The following FRMD3 variants were observed in gnomAD, a reference collection of about 807,000 sequenced individuals.
FRMD3 encodes the protein FERM domain-containing protein 3.
In FRMD3, 33 loss-of-function variants were observed where a neutral mutation model predicts 70.2. That is an observed-to-expected ratio of 0.47 (90% CI 0.36 to 0.63). The LOEUF is 0.63. Ranked by LOEUF, FRMD3 falls within the 20% of genes least tolerant of loss-of-function variation. FRMD3 has a pLI of 0.00. For missense variants in FRMD3, 632 were observed against 711.4 expected (o/e 0.89, Z 1.27); for synonymous variants, 279 against 255.9 (o/e 1.09, Z -0.86).
In FRMD3 at chr9:83,536,022, C is replaced by T. The variant is rs75398618; in HGVS notation, c.147+2063G>A. 4.7e-3 allele frequency among the ~76,000 whole-genome samples: 717 copies of T among 152,230 alleles called. 11 individuals are homozygous for T. The highest frequency in any genetic ancestry group is 0.017 in the African/African-American group (692 of 41,528). ...CAATTTCAATTCCTGGTCTGGAGTA[C>T]TCTAGGAAAGTGTGAGGTCTAAAGT... On this transcript the variant is annotated intron_variant, in intron 1 of 13. Transcript: ENST00000304195.
At chr9:83,456,483 A>G (rs533956132) in intron 1 of FRMD3, among the ~76,000 whole-genome samples, 22 of 152,342 alleles carry the variant, frequency 1.4e-4, no homozygotes, top group African/African-American at 5.1e-4. Context: ...TAGCTATTAC[A>G]AAAGTGTAAT....
chr9:83,532,881 G>A (rs913217480), intron 1 of FRMD3, among the ~76,000 whole-genome samples: 1 of 152,208 alleles, frequency 6.6e-6, no homozygotes, highest in Non-Finnish European at 1.5e-5. Context: ...GGTAGTGACT[G>A]ACTGACATCT....
At chr9:83,492,631 G>T (rs1218633844) in intron 1 of FRMD3, among the ~76,000 whole-genome samples, 2 of 152,170 alleles carry the variant, frequency 1.3e-5, no homozygotes, top group Non-Finnish European at 2.9e-5. Flanking sequence ...GGGGCCTCTG[G>T]GGGGCAGGTG....
At chr9:83,382,406 T>TA (rs1825384874) in intron 2 of FRMD3, among the ~76,000 whole-genome samples, 1 of 152,200 alleles carries the variant, frequency 6.6e-6, no homozygotes, top group Non-Finnish European at 1.5e-5. Flanking sequence ...TTACATAAAT[T>TA]GATAGTATGG....
chr9:83,348,451 G>A (rs910338672), intron 4 of FRMD3, among the ~76,000 whole-genome samples: 1 of 152,152 alleles, frequency 6.6e-6, no homozygotes, highest in Admixed American at 6.5e-5. Flanking sequence ...GGTTGCCAGG[G>A]GCTTGGATGG....
intron 6 of FRMD3, among the ~76,000 whole-genome samples, chr9:83,329,246 C>CA (rs1380859858): frequency 6.6e-6 from 1 of 151,944 alleles, no homozygotes; most frequent in Non-Finnish European, 1.5e-5. Flanking sequence ...CAAATAGCAA[C>CA]AAAAAATGCA....
chr9:83,336,338 T>A (rs1823577880), intron 5 of FRMD3, among the ~76,000 whole-genome samples: 1 of 151,884 alleles, frequency 6.6e-6, no homozygotes, highest in South Asian at 2.1e-4. Context: ...TGTTTTACAT[T>A]TTTTAAAAAT....
chr9:83,467,849 GT>G (rs1354684994), intron 1 of FRMD3: 11 of 1,348,198 alleles, frequency 8.2e-6, no homozygotes, highest in African/African-American at 5.9e-5. Context: ...TAGGTTGATG[GT>G]TTTTTAAAAA....
intron 1 of FRMD3, among the ~76,000 whole-genome samples, chr9:83,526,702 C>T (rs199827822): frequency 2.0e-5 from 3 of 152,084 alleles, no homozygotes; most frequent in East Asian, 3.9e-4. Context: ...TCCTTGATGA[C>T]GGCTGATTTT....
chr9:83,511,236 C>A (rs1829332017), intron 1 of FRMD3, among the ~76,000 whole-genome samples: 1 of 152,160 alleles, frequency 6.6e-6, no homozygotes, highest in African/African-American at 2.4e-5. Flanking sequence ...GAACCTGAGT[C>A]ATTTTACAAA....
At chr9:83,359,102 A>T (rs1292779555) in intron 3 of FRMD3, among the ~76,000 whole-genome samples, 1 of 152,190 alleles carries the variant, frequency 6.6e-6, no homozygotes, top group African/African-American at 2.4e-5. Flanking sequence ...AATGATAATC[A>T]CTGTGTTTCC....
the FRMD3 span, among the ~76,000 whole-genome samples, chr9:83,565,832 T>C: frequency 1.3e-5 from 2 of 152,192 alleles, no homozygotes; most frequent in African/African-American, 4.8e-5. Flanking sequence ...GTGGAGAAAT[T>C]TGAGAAAGGA....
intron 1 of FRMD3, among the ~76,000 whole-genome samples, chr9:83,484,829 T>C (rs1265767413): frequency 6.6e-6 from 1 of 152,146 alleles, no homozygotes; most frequent in Admixed American, 6.6e-5. Flanking sequence ...CGCATCCTAG[T>C]AAAATCAAAG....
At chr9:83,545,980 G>T in the FRMD3 span, among the ~76,000 whole-genome samples, 3 of 149,258 alleles carry the variant, frequency 2.0e-5, no homozygotes, top group Admixed American at 6.7e-5. Context: ...ACCTGTAAAG[G>T]AAATCCCATC....
In FRMD3 at chr9:83,537,829, ACG is replaced by A. The variant is rs921109607; in HGVS notation, c.147+254_147+255del. On this transcript the variant is annotated intron_variant, in intron 1 of 13. Coordinates refer to ENST00000304195, the MANE Select transcript of FRMD3 (RefSeq NM_174938.6). The surrounding 1 kb of genome is among the most constrained non-coding windows in gnomAD (Gnocchi z 4.1). ...GCGCCCCTAGCCCGGGCGCAGTGAG[ACG>A]CGCGCGCAGGGTGCACGCGAGGGGA... 1.3e-5 allele frequency among the ~76,000 whole-genome samples: 2 copies of A among 149,958 alleles called. No individual in the cohort carries two copies. The highest frequency in any genetic ancestry group is 4.9e-5 in the African/African-American group (2 of 40,560).
At chr9:83,500,498 G>GCACACA (rs1491199985) in intron 1 of FRMD3, among the ~76,000 whole-genome samples, 3 of 62,938 alleles carry the variant, frequency 4.8e-5, no homozygotes, top group African/African-American at 1.0e-4. Flanking sequence ...TGGCGTGTAT[G>GCACACA]CGCGCACACA....
At chr9:83,427,729 G>A (rs1486055571) in intron 1 of FRMD3, among the ~76,000 whole-genome samples, 2 of 150,346 alleles carry the variant, frequency 1.3e-5, no homozygotes, top group Non-Finnish European at 3.0e-5. Context: ...GATGAATCTA[G>A]AAAAAAAAAT....
chr9:83,477,347 G>A (rs919226187), intron 1 of FRMD3, among the ~76,000 whole-genome samples: 2 of 152,130 alleles, frequency 1.3e-5, no homozygotes, highest in Non-Finnish European at 2.9e-5. Flanking sequence ...AACCAATCAG[G>A]ATGGCATAAT....
intron 6 of FRMD3, chr9:83,332,045 G>A (rs929504893): frequency 2.7e-5 from 17 of 625,212 alleles, no homozygotes; most frequent in Non-Finnish European, 4.9e-5. Context: ...ATGGTGGGCG[G>A]AGCCCCCCAG....
Sources: gnomAD v4.1 joint callset for allele counts (sites outside exome capture counted in the v4.1 genomes callset) on GRCh38, gnomAD v4.1.1 for gene constraint, Gnocchi (gnomAD v3.1) non-coding constraint, MANE v1.5 for transcripts, NCBI Gene and HGNC (gene_info 2026-07-23, HGNC 2026-07-21) for gene names.